WAPL: variants seen among roughly 807,000 people sequenced by gnomAD.
WAPL encodes wings apart-like protein homolog.
In WAPL, 5 loss-of-function variants were observed where a neutral mutation model predicts 121.0. That is an observed-to-expected ratio of 0.04 (90% CI 0.02 to 0.09). WAPL has a LOEUF of 0.09. Among genes scored for constraint, WAPL ranks in the 10% least tolerant of loss-of-function variants. The pLI, the probability that WAPL is intolerant of heterozygous loss-of-function variation, is 1.00. For missense variants in WAPL, 999 were observed against 1,410.8 expected (o/e 0.71, Z 4.68); for synonymous variants, 480 against 481.5 (o/e 1.00, Z 0.04).
intron 13 of WAPL, 125 bp downstream of exon 13, chr10:86,453,531 G>T: frequency 7.9e-7 from 1 of 1,259,418 alleles, no homozygotes; most frequent in Non-Finnish European, 1.1e-6. Context: ...ACCTACACAT[G>T]AGTAAGTCAA....
intron 2 of WAPL, among the ~76,000 whole-genome samples, chr10:86,514,997 C>A (rs377092144): frequency 6.6e-6 from 1 of 152,142 alleles, no homozygotes; most frequent in Non-Finnish European, 1.5e-5. Flanking sequence ...CAGTGGCTCA[C>A]GCCTATATTC....
chr10:86,482,362 T>C (rs79729640), intron 4 of WAPL, among the ~76,000 whole-genome samples: 13,205 of 152,246 alleles, frequency 0.087, 1,013 homozygotes, highest in East Asian at 0.38. Context: ...TCCACATATA[T>C]ATGTGAAGGT....
intron 17 of WAPL, among the ~76,000 whole-genome samples, chr10:86,441,099 CT>C (rs1377373928): frequency 6.6e-6 from 1 of 152,140 alleles, no homozygotes; most frequent in East Asian, 1.9e-4. Context: ...GGTCTCCACT[CT>C]TTCTTGTTCC....
chr10:86,511,188 T>C (rs2132230902), intron 2 of WAPL, among the ~76,000 whole-genome samples: 1 of 152,156 alleles, frequency 6.6e-6, no homozygotes, highest in Non-Finnish European at 1.5e-5. Context: ...AATCCCAGCC[T>C]CTCAGAAGGC....
intron 2 of WAPL, among the ~76,000 whole-genome samples, chr10:86,513,708 G>C (rs1261797936): frequency 6.6e-6 from 1 of 152,188 alleles, no homozygotes; most frequent in Non-Finnish European, 1.5e-5. Flanking sequence ...TAGAGAAAGA[G>C]ATGCACTTAA....
chr10:86,500,849 C>T, intron 2 of WAPL, 106 bp from the exon 3 acceptor site: 2 of 944,342 alleles, frequency 2.1e-6, no homozygotes, highest in Non-Finnish European at 3.0e-6. Context: ...CTTGGAAGAA[C>T]TGCAAATAAT....
At chr10:86,442,441 C>T (rs1363821013) in intron 17 of WAPL, among the ~76,000 whole-genome samples, 1 of 152,080 alleles carries the variant, frequency 6.6e-6, no homozygotes, top group Non-Finnish European at 1.5e-5. Flanking sequence ...AATTTTATTT[C>T]ATGTATGTAA....
intron 9 of WAPL, among the ~76,000 whole-genome samples, chr10:86,466,673 G>A (rs1319631165): frequency 1.1e-5 from 1 of 94,586 alleles, no homozygotes; most frequent in Admixed American, 1.1e-4. Flanking sequence ...TGGAGAATAA[G>A]AATTCAAAAT....
At chr10:86,471,810 T>C (rs1320795520) in intron 7 of WAPL, among the ~76,000 whole-genome samples, 1 of 152,168 alleles carries the variant, frequency 6.6e-6, no homozygotes, top group Non-Finnish European at 1.5e-5. Flanking sequence ...TAATTTTTTA[T>C]TTTTTGTAGA....
intron 2 of WAPL, among the ~76,000 whole-genome samples, chr10:86,517,061 C>A (rs1842568856): frequency 6.6e-6 from 1 of 152,112 alleles, no homozygotes; most frequent in Non-Finnish European, 1.5e-5. Flanking sequence ...AAAAAAAAAT[C>A]TATCAATACA....
At chr10:86,502,374 C>T (rs1842263448) in intron 2 of WAPL, among the ~76,000 whole-genome samples, 1 of 152,098 alleles carries the variant, frequency 6.6e-6, no homozygotes, top group Non-Finnish European at 1.5e-5. Flanking sequence ...TTTTATACTG[C>T]ATGTAAGTTG....
chr10:86,449,332 G>T (rs778769578), intron 15 of WAPL, among the ~76,000 whole-genome samples: 2 of 152,220 alleles, frequency 1.3e-5, no homozygotes, highest in Non-Finnish European at 2.9e-5. Context: ...GGTAACTGAT[G>T]TGAGTACAAG....
intron 3 of WAPL, among the ~76,000 whole-genome samples, chr10:86,498,817 AC>A (rs1352672967): frequency 6.6e-6 from 1 of 152,124 alleles, no homozygotes; most frequent in African/African-American, 2.4e-5. Context: ...CTCCTTGAGG[AC>A]CCTTAGTCAC....
chr10:86,483,924 G>A (rs999016590), intron 4 of WAPL, among the ~76,000 whole-genome samples: 4 of 148,238 alleles, frequency 2.7e-5, no homozygotes, highest in Non-Finnish European at 4.4e-5. Flanking sequence ...TCACCATGTT[G>A]GCCAGACTGG....
intron 9 of WAPL, among the ~76,000 whole-genome samples, chr10:86,463,930 T>C (rs373641364): frequency 1.3e-5 from 2 of 152,212 alleles, no homozygotes; most frequent in Middle Eastern, 3.2e-3. Context: ...CTGTACCACA[T>C]AGTCTAGATG....
chr10:86,463,574 T>C (rs926686612), intron 9 of WAPL, among the ~76,000 whole-genome samples: 4 of 152,242 alleles, frequency 2.6e-5, no homozygotes, highest in African/African-American at 4.8e-5. Flanking sequence ...TGTAGAGCTA[T>C]ACAATTTGTG....
intron 2 of WAPL, among the ~76,000 whole-genome samples, chr10:86,502,901 T>C (rs1397941440): frequency 1.3e-5 from 2 of 152,240 alleles, no homozygotes; most frequent in Non-Finnish European, 2.9e-5. Context: ...GGCTCATGCC[T>C]GTAATCCCAG....
intron 4 of WAPL, among the ~76,000 whole-genome samples, chr10:86,489,809 T>A (rs543010052): frequency 6.7e-6 from 1 of 149,488 alleles, no homozygotes; most frequent in South Asian, 2.1e-4. Context: ...AATTCTTAAA[T>A]CTAATCAGAT....
chr10:86,466,671 A>G (rs1841405062), intron 9 of WAPL, among the ~76,000 whole-genome samples: 1 of 95,520 alleles, frequency 1.0e-5, no homozygotes, highest in Non-Finnish European at 2.0e-5. Flanking sequence ...CATGGAGAAT[A>G]AGAATTCAAA....
Sources: allele counts gnomAD v4.1 joint callset (sites outside exome capture counted in the v4.1 genomes callset), GRCh38; gene constraint gnomAD v4.1.1; transcripts MANE v1.5; gene names NCBI Gene and HGNC (gene_info 2026-07-23, HGNC 2026-07-21).